The following GHR variants were observed in gnomAD, a reference collection of about 807,000 sequenced individuals.
GHR encodes the protein growth hormone receptor.
GHR carries 35 observed loss-of-function variants against 67.1 expected under a neutral mutation model. That is an observed-to-expected ratio of 0.52 (90% CI 0.40 to 0.69). The LOEUF (loss-of-function observed/expected upper bound fraction) is 0.69, where lower values mean the gene tolerates loss of function less well. GHR is among the 30% of genes least tolerant of loss of function. GHR has a pLI of 0.00. For synonymous variants in GHR, 272 were observed against 269.1 expected, an observed-to-expected ratio of 1.01 and a Z score of -0.10; for missense variants, 792 against 764.6, an observed-to-expected ratio of 1.04 and a Z score of -0.42.
At chr5:42,556,604 TG>T (rs1316079685) in intron 1 of GHR, among the ~76,000 whole-genome samples, 2 of 152,162 alleles carry the variant, frequency 1.3e-5, no homozygotes, top group Non-Finnish European at 2.9e-5. Flanking sequence ...GTAGGGACAA[TG>T]GTGTAAAGTA....
At chr5:42,654,155 A>G (rs1424582140) in intron 3 of GHR, among the ~76,000 whole-genome samples, 1 of 152,162 alleles carries the variant, frequency 6.6e-6, no homozygotes. Flanking sequence ...AAATTTCAGA[A>G]TGCACATTCA....
At chr5:42,568,836 A>G (rs28656087) in intron 2 of GHR, among the ~76,000 whole-genome samples, 12,689 of 152,266 alleles carry the variant, frequency 0.083, 1,832 homozygotes, top group African/African-American at 0.29. Context: ...AATTCAACAA[A>G]TTCAGTGTAC....
chr5:42,461,888 AATGGAAAAACAC>A (rs1412660677), intron 1 of GHR, among the ~76,000 whole-genome samples: 1 of 152,196 alleles, frequency 6.6e-6, no homozygotes, highest in Non-Finnish European at 1.5e-5. Flanking sequence ...AGGTAAGGAG[AATGGAAAAACAC>A]AGGGAATGAG....
chr5:42,466,849 T>C, intron 1 of GHR: 2 of 1,385,680 alleles, frequency 1.4e-6, no homozygotes, highest in South Asian at 1.8e-5. Flanking sequence ...AGGCAGAAGG[T>C]TATGACCAAT....
intron 2 of GHR, among the ~76,000 whole-genome samples, chr5:42,590,177 T>C (rs1751701374): frequency 6.6e-6 from 1 of 152,202 alleles, no homozygotes; most frequent in Admixed American, 6.5e-5. Flanking sequence ...GCTGGGCAAG[T>C]ACATATATGA....
intron 1 of GHR, among the ~76,000 whole-genome samples, chr5:42,542,928 C>T (rs1189632286): frequency 6.6e-6 from 1 of 152,068 alleles, no homozygotes; most frequent in Non-Finnish European, 1.5e-5. Context: ...GAATAGTGGC[C>T]TCCAGCTCCA....
In GHR at chr5:42,449,126, T is replaced by A. The variant is rs192038484; in HGVS notation, c.-12+25171T>A. 8.5e-3 allele frequency among the ~76,000 whole-genome samples: 1,299 copies of A among 152,310 alleles called. 9 individuals carry two copies. The highest frequency in any genetic ancestry group is 0.014 in the Middle Eastern group (4 of 294). Reference sequence around the variant, plus strand: ...TGTTTTGGCTATGTGGGCTCTTTTTTGGTTCCATATAAATTTTATGATTTT... The same window carrying A: ...TGTTTTGGCTATGTGGGCTCTTTTTAGGTTCCATATAAATTTTATGATTTT... On this transcript the variant is annotated intron_variant, in intron 1 of 9. Coordinates refer to ENST00000230882, the MANE Select transcript of GHR (RefSeq NM_000163.5).
chr5:42,717,939 C>A, intron 8 of GHR, 113 bp from the exon 9 acceptor site: 1 of 681,062 alleles, frequency 1.5e-6, no homozygotes, highest in South Asian at 1.6e-5. Context: ...TATAAAGTAC[C>A]AGAATATTTG....
intron 1 of GHR, among the ~76,000 whole-genome samples, chr5:42,454,572 T>C (rs1561312496): frequency 6.6e-6 from 1 of 152,132 alleles, no homozygotes; most frequent in Non-Finnish European, 1.5e-5. Flanking sequence ...GTTTTCAGGC[T>C]GATGGGGTTA....
intron 1 of GHR, among the ~76,000 whole-genome samples, chr5:42,561,320 AC>A (rs1749594342): frequency 6.6e-6 from 1 of 152,174 alleles, no homozygotes; most frequent in African/African-American, 2.4e-5. Flanking sequence ...TTCTTGAAGA[AC>A]CATTATTTTG....
chr5:42,579,151 T>TATAGATG (rs1751003637), intron 2 of GHR, among the ~76,000 whole-genome samples: 1 of 88,248 alleles, frequency 1.1e-5, no homozygotes, highest in Non-Finnish European at 2.4e-5. Flanking sequence ...GATAGATAGA[T>TATAGATG]ATAGATAGAT....
At chr5:42,568,949 G>T (rs1750107681) in intron 2 of GHR, among the ~76,000 whole-genome samples, 1 of 152,230 alleles carries the variant, frequency 6.6e-6, no homozygotes, top group Admixed American at 6.5e-5. Context: ...AATAAATCAG[G>T]CATGTACACC....
Position 42,534,469 on chromosome 5 carries a change from C to T in GHR, c.-11-31395C>T, listed in dbSNP as rs113710644. On this transcript the variant is annotated intron_variant, in intron 1 of 9. Coordinates refer to ENST00000230882, the MANE Select transcript of GHR (RefSeq NM_000163.5). ...GTGTATATATGTATGTATATATGTA[C>T]ATATGTATATGTGTATATATGTATG... Among the ~76,000 whole-genome samples, 4 of 139,074 alleles carry T rather than the reference C, an allele frequency of 2.9e-5. No homozygotes were observed. The South Asian group carries it at 8.7e-4, about 30-fold the overall frequency. The allele number at this position is 139,074 out of a possible 152,430, so 91.2% of individuals were successfully genotyped here.
At chr5:42,429,943 T>A (rs1743019050) in intron 1 of GHR, among the ~76,000 whole-genome samples, 1 of 152,222 alleles carries the variant, frequency 6.6e-6, no homozygotes, top group African/African-American at 2.4e-5. Flanking sequence ...TGGCCTTAAA[T>A]GAAGTGAAAG....
intron 1 of GHR, among the ~76,000 whole-genome samples, chr5:42,547,439 A>G (rs1579915587): frequency 6.6e-6 from 1 of 152,288 alleles, no homozygotes; most frequent in East Asian, 1.9e-4. Flanking sequence ...GTGAGCAGCT[A>G]CAAGAATTAT....
chr5:42,692,554 C>A (rs1349130925), intron 4 of GHR, among the ~76,000 whole-genome samples: 1 of 152,090 alleles, frequency 6.6e-6, no homozygotes, highest in African/African-American at 2.4e-5. Flanking sequence ...AAATGAAATT[C>A]AACATTGGTT....
chr5:42,651,368 T>G lies in GHR; in HGVS notation c.136+22265T>G, dbSNP rs187706754. Among the ~76,000 whole-genome samples, 834 of 152,284 alleles carry G rather than the reference T, an allele frequency of 5.5e-3. 14 individuals carry two copies. The highest frequency in any genetic ancestry group is 3.4e-3 in the Non-Finnish European group (234 of 68,024). On this transcript the variant is annotated intron_variant, in intron 3 of 9. Transcript: ENST00000230882. ...TTCCAAGGCTGAGCTAAGTTATAAA[T>G]GAATACCCTGTGCAGTGTTGAGAAT... is the stretch of plus-strand genomic sequence containing the variant.
chr5:42,452,131 A>G (rs1368201135), intron 1 of GHR, among the ~76,000 whole-genome samples: 1 of 152,180 alleles, frequency 6.6e-6, no homozygotes, highest in Admixed American at 6.5e-5. Flanking sequence ...TGTTAGTCTG[A>G]AAAAGACTAT....
chr5:42,528,864 C>T (rs902384010), intron 1 of GHR, among the ~76,000 whole-genome samples: 15 of 152,180 alleles, frequency 9.9e-5, no homozygotes, highest in East Asian at 5.8e-4. Context: ...GACTCTCCAC[C>T]GGCAAAAAGA....
Sources: gnomAD v4.1 joint callset for allele counts (sites outside exome capture counted in the v4.1 genomes callset) on GRCh38, gnomAD v4.1.1 for gene constraint, MANE v1.5 for transcripts, NCBI Gene and HGNC (gene_info 2026-07-23, HGNC 2026-07-21) for gene names.